GGA2: variants seen among roughly 807,000 people sequenced by gnomAD.
GGA2 encodes the protein ADP-ribosylation factor-binding protein GGA2.
In GGA2, 48 loss-of-function variants were observed where a neutral mutation model predicts 79.5. That is an observed-to-expected ratio of 0.60 (90% CI 0.48 to 0.77). The LOEUF (loss-of-function observed/expected upper bound fraction) is 0.77. Among genes scored for constraint, GGA2 ranks in the 30% least tolerant of loss-of-function variants. The pLI, the probability that GGA2 is intolerant of heterozygous loss-of-function variation, is 0.00. For synonymous variants in GGA2, 317 were observed against 302.0 expected, an observed-to-expected ratio of 1.05 and a Z score of -0.51; for missense variants, 770 against 774.0, an observed-to-expected ratio of 0.99 and a Z score of 0.06.
intron 1 of GGA2, among the ~76,000 whole-genome samples, chr16:23,500,338 A>C (rs1335162025): frequency 6.6e-6 from 1 of 152,216 alleles, no homozygotes; most frequent in Non-Finnish European, 1.5e-5. Context: ...CCTCACGGGG[A>C]ACATGCTGAG....
At chr16:23,497,723 TCTC>T (rs1449775238) in intron 1 of GGA2, among the ~76,000 whole-genome samples, 6 of 152,182 alleles carry the variant, frequency 3.9e-5, no homozygotes, top group African/African-American at 1.4e-4. Flanking sequence ...ACAAAAGCTG[TCTC>T]CTCCTCCTCT....
At chr16:23,475,152 TAAC>T (rs1964561335) in intron 13 of GGA2, 91 bp from the exon 14 acceptor site, 3 of 655,156 alleles carry the variant, frequency 4.6e-6, no homozygotes, top group Non-Finnish European at 2.6e-6. Context: ...AAGGAAAAAA[TAAC>T]ACACACACAC....
At chr16:23,477,539 C>G (rs962643557) in intron 13 of GGA2, among the ~76,000 whole-genome samples, 5 of 151,878 alleles carry the variant, frequency 3.3e-5, no homozygotes, top group Admixed American at 3.3e-4. Flanking sequence ...GTCAAGAGAT[C>G]GAGACAATCC....
chr16:23,477,455 G>A (rs1383250931), intron 13 of GGA2, among the ~76,000 whole-genome samples: 2 of 152,106 alleles, frequency 1.3e-5, no homozygotes, highest in African/African-American at 2.4e-5. Flanking sequence ...CATAAGACAC[G>A]CCTTTTGGCT....
At chr16:23,476,587 G>C (rs1596978580) in intron 13 of GGA2, among the ~76,000 whole-genome samples, 1 of 152,258 alleles carries the variant, frequency 6.6e-6, no homozygotes, top group East Asian at 1.9e-4. Flanking sequence ...TATAGAAACT[G>C]ATATGAAATG....
At chr16:23,518,295 ACTTCCTGGGCTCCAG>A (rs977036548) in intron 2 of GGA2, among the ~76,000 whole-genome samples, 6 of 152,078 alleles carry the variant, frequency 3.9e-5, no homozygotes, top group Admixed American at 1.3e-4. Context: ...TGCTGCCTCG[ACTTCCTGGGCTCCAG>A]CTATCCTCCC....
chr16:23,473,964 A>G (rs922378575), intron 14 of GGA2, among the ~76,000 whole-genome samples: 2 of 152,190 alleles, frequency 1.3e-5, no homozygotes, highest in African/African-American at 4.8e-5. Flanking sequence ...ACCTCACCAC[A>G]AAGAGCCATA....
At chr16:23,485,969 C>G (rs969570106) in intron 8 of GGA2, 46 bp downstream of exon 8, 1 of 1,581,462 alleles carries the variant, frequency 6.3e-7, no homozygotes, top group African/African-American at 1.4e-5. Context: ...CATTTCAAAC[C>G]CACTTTAGTA....
At chr16:23,512,318 A>AT (rs1486470363), upstream of GGA2, among the ~76,000 whole-genome samples, 1 of 152,184 alleles carries the variant, frequency 6.6e-6, no homozygotes, top group Non-Finnish European at 1.5e-5. Context: ...AAGGGCCTTG[A>AT]TCCCCCGTAT....
intron 3 of GGA2, 45 bp downstream of exon 3, chr16:23,494,258 G>A (rs1964826001): frequency 2.4e-6 from 3 of 1,267,192 alleles, no homozygotes; most frequent in South Asian, 2.4e-5. Context: ...GCTCTCTATA[G>A]CACAAGGACA....
At position 23,501,639 on chromosome 16, in the gene GGA2, G is replaced by A. The variant is rs1221302539; in HGVS notation, c.92-5861C>T. 2.1e-5 allele frequency: 5 copies of A among 243,140 alleles called. No individual in the cohort carries two copies. In the East Asian group the frequency reaches 5.3e-4, roughly 26 times the overall value. The allele number at this position is 243,140 out of a possible 1,614,324, so 15.1% of individuals were successfully genotyped here. ...AAGGGCTGTCAGCATGAATTTCATT[G>A]GTATTCGGTGCACTAATGCCATCTT... On this transcript the variant is annotated intron_variant, in intron 1 of 16. Coordinates refer to ENST00000309859, the MANE Select transcript of GGA2 (RefSeq NM_015044.4).
At chr16:23,523,432 CAG>C (rs1326857306), upstream of GGA2, 1 of 152,216 alleles carries the variant, frequency 6.6e-6, no homozygotes, top group African/African-American at 2.4e-5. Flanking sequence ...AAAAACGGAA[CAG>C]ATGACGTTTA....
intron 14 of GGA2, among the ~76,000 whole-genome samples, chr16:23,470,688 G>A (rs1240607833): frequency 2.0e-5 from 3 of 151,988 alleles, no homozygotes; most frequent in African/African-American, 4.8e-5. Context: ...ACTTGAACTC[G>A]GGAGGCGGAG....
chr16:23,522,928 G>A (rs6497669), upstream of GGA2: 3 of 152,098 alleles, frequency 2.0e-5, no homozygotes, highest in African/African-American at 7.2e-5. Context: ...GGGAGGCCTC[G>A]ATCCCTTGTC....
At chr16:23,493,270 T>C in intron 4 of GGA2, 90 bp downstream of exon 4, 1 of 797,908 alleles carries the variant, frequency 1.3e-6, no homozygotes, top group Non-Finnish European at 2.3e-6. Flanking sequence ...TGTCCATGCG[T>C]GGGCCTGCCT....
intron 13 of GGA2, among the ~76,000 whole-genome samples, chr16:23,476,551 T>C (rs1453001544): frequency 6.6e-6 from 1 of 152,208 alleles, no homozygotes; most frequent in Non-Finnish European, 1.5e-5. Context: ...TAAATTGTAA[T>C]GTAGCTATTA....
chr16:23,494,509 C>A (rs1042574078), intron 2 of GGA2, 131 bp from the exon 3 acceptor site: 1 of 713,454 alleles, frequency 1.4e-6, no homozygotes, highest in Non-Finnish European at 2.5e-6. Context: ...GCGTGCCTGA[C>A]AAACAGGCCA....
chr16:23,467,095 C>T lies in GGA2; in HGVS notation c.*495G>A, dbSNP rs1964446586. 6.4e-6 allele frequency: 1 copy of T among 155,162 alleles called. No individual in the cohort carries two copies. The highest frequency in any genetic ancestry group is 1.4e-5 in the Non-Finnish European group (1 of 69,706). 9.6% of individuals were successfully genotyped at this position (155,162 alleles called of 1,614,324 possible). ...AAGGTCTTTCTTGGAAGAGAGTGCC[C>T]AAGTAGATACTCTCTGCCCCAAGAC... On this transcript the variant is annotated 3_prime_UTR_variant, in exon 17 of 17. Transcript: ENST00000309859.
chr16:23,500,004 G>A (rs1964903088), intron 1 of GGA2, among the ~76,000 whole-genome samples: 1 of 152,222 alleles, frequency 6.6e-6, no homozygotes, highest in Admixed American at 6.5e-5. Context: ...TGGTTGGCAG[G>A]GCAACCTCCT....
Sources: allele counts gnomAD v4.1 joint callset (sites outside exome capture counted in the v4.1 genomes callset), GRCh38; gene constraint gnomAD v4.1.1; transcripts MANE v1.5; gene names NCBI Gene and HGNC (gene_info 2026-07-23, HGNC 2026-07-21).